The following MOK variants were observed in gnomAD, a reference collection of about 807,000 sequenced individuals.
The protein encoded by MOK is MOK protein kinase.
Under a neutral mutation model 54.2 loss-of-function variants are expected in MOK, and 59 were observed. That is an observed-to-expected ratio of 1.09 (90% CI 0.88 to 1.35). MOK has a LOEUF of 1.35. Among genes scored for constraint, MOK ranks in the 40% most tolerant of loss-of-function variants. MOK has a pLI of 0.00. For missense variants in MOK, 517 were observed against 526.2 expected (o/e 0.98, Z 0.17); for synonymous variants, 210 against 202.7 (o/e 1.04, Z -0.31).
At position 102,232,289 on chromosome 14, in the gene MOK, C is replaced by T. The variant is rs1399188564; in HGVS notation, c.866+246G>A. The T allele has an allele frequency of 6.6e-6, 3 of 451,920 alleles. No individual in the cohort carries two copies. The highest frequency in any genetic ancestry group is 5.3e-5 in the South Asian group (1 of 18,762). 28.0% of individuals were successfully genotyped at this position (451,920 alleles called of 1,614,324 possible). On this transcript the variant is annotated intron_variant, in intron 9 of 11. Coordinates refer to ENST00000361847, the MANE Select transcript of MOK (RefSeq NM_014226.3). This position sits in a 1 kb window ranked among gnomAD's most constrained non-coding sequence, Gnocchi z 5.1. ...TACTACCTGTAGCCTTGGCATCAAC[C>T]GCAAAGTGGACAGCCAGCCCCTCTT...
downstream of MOK, chr14:102,226,544 T>C (rs898613632): frequency 3.0e-6 from 2 of 675,082 alleles, no homozygotes; most frequent in African/African-American, 3.5e-5. This position sits in a 1 kb window ranked among gnomAD's most constrained non-coding sequence, Gnocchi z 4.8. Context: ...CAAGGTGGCC[T>C]CCTATGGGCT....
At chr14:102,214,923 A>G in the MOK span, 21,187 of 984,964 alleles carry the variant, frequency 0.022, 273 homozygotes, top group Non-Finnish European at 0.024. Flanking sequence ...AACAAGACTT[A>G]CTACATACTT....
intron 1 of MOK, among the ~76,000 whole-genome samples, 187 bp downstream of exon 1, chr14:102,304,775 G>A (rs1200781890): frequency 4.6e-5 from 7 of 152,070 alleles, no homozygotes; most frequent in African/African-American, 9.7e-5. Context: ...TTCCCCCAGG[G>A]GCACCGGCTT....
chr14:102,250,901 G>T lies in MOK; in HGVS notation c.501C>A (p.Tyr167Ter). The T allele has an allele frequency of 1.2e-6, 2 of 1,614,122 alleles. No homozygotes were observed. Among genetic ancestry groups the T allele is most frequent in the Non-Finnish European group, 1.7e-6 (2 of 1,180,034 alleles). Residue 167 changes from tyrosine (Y) to a stop codon, truncating the protein, a stop_gained, in exon 7 of 12, where the codon TAC becomes TAA. Transcript: ENST00000361847. LOFTEE classifies it high-confidence loss of function. ...CAGTGAGGAGACACTCCGGGGCCCG[G>T]TACCAGCGGGTGGAGATGTATTCCG... ...PYTEYISTRWYRAPECLLTDG... is the reference protein window; with the variant it reads ...PYTEYISTRW
chr14:102,267,635 G>C (rs1183386938), intron 2 of MOK, among the ~76,000 whole-genome samples: 2 of 152,158 alleles, frequency 1.3e-5, no homozygotes, highest in East Asian at 3.8e-4. Flanking sequence ...ATAGAAGCCT[G>C]ATATTTAAGA....
chr14:102,250,997 G>A lies in MOK; in HGVS notation c.412-7C>T, dbSNP rs777864470. ...CTAATTTCAGGACATCCTGCTGGAA[G>A]GGGAAAGAAGCAAGGACAAGTAACA... is the stretch of plus-strand genomic sequence containing the variant. On this transcript the variant is annotated splice_polypyrimidine_tract_variant and splice_region_variant and intron_variant, in intron 6 of 11. Coordinates refer to ENST00000361847, the MANE Select transcript of MOK (RefSeq NM_014226.3). 24 of 1,613,568 alleles carry A rather than the reference G, an allele frequency of 1.5e-5. No individual in the cohort carries two copies. Among genetic ancestry groups the A allele is most frequent in the Non-Finnish European group, 2.0e-5 (24 of 1,179,792 alleles).
chr14:102,236,978 CTCTG>C lies in MOK; in HGVS notation c.591-3193_591-3190del, dbSNP rs1201342156. ...CATAGTCCCTAACCCCTCTACACTT[CTCTG>C]TCTCATTCCCTCCAACACCACCTGC... is the stretch of plus-strand genomic sequence containing the variant. On this transcript the variant is annotated intron_variant, in intron 7 of 11. Coordinates refer to ENST00000361847, the MANE Select transcript of MOK (RefSeq NM_014226.3). The surrounding 1 kb of genome is among the most constrained non-coding windows in gnomAD (Gnocchi z 4.5). Among the ~76,000 whole-genome samples the C allele has an allele frequency of 2.0e-5, 3 of 152,154 alleles. No individual in the cohort carries two copies. Among genetic ancestry groups the C allele is most frequent in the Non-Finnish European group, 4.4e-5 (3 of 68,034 alleles).
intron 1 of MOK, among the ~76,000 whole-genome samples, chr14:102,295,969 G>GCAACATA (rs2071375098): frequency 6.6e-6 from 1 of 152,142 alleles, no homozygotes; most frequent in East Asian, 1.9e-4. Context: ...CACCTGGCTA[G>GCAACATA]GCATAGTGGC....
At chr14:102,254,912 C>T (rs2066812850) in intron 4 of MOK, among the ~76,000 whole-genome samples, 1 of 152,286 alleles carries the variant, frequency 6.6e-6, no homozygotes, top group South Asian at 2.1e-4. Flanking sequence ...CCAGCCATGT[C>T]CACACATTTA....
At chr14:102,301,289 A>T (rs1007072734) in intron 1 of MOK, among the ~76,000 whole-genome samples, 3 of 152,238 alleles carry the variant, frequency 2.0e-5, no homozygotes, top group Non-Finnish European at 2.9e-5. Flanking sequence ...AATGAAGAAA[A>T]GCAGTATAAG....
rs78581305 is a variant in MOK, at chr14:102,293,804, G to A, written c.8-10212C>T. On this transcript the variant is annotated intron_variant, in intron 1 of 11. Transcript: ENST00000361847. ...AATGTATCTGAGTGGGACTGAAGGT[G>A]ATTTAAATTTTCTTCATTATAATTA... is the stretch of plus-strand genomic sequence containing the variant. Among the ~76,000 whole-genome samples the A allele has an allele frequency of 6.8e-4, 103 of 151,508 alleles. 1 individual carries two copies. The East Asian group carries it at 0.02, about 29-fold the overall frequency.
In MOK at chr14:102,232,831, T is replaced by TC. The variant is rs763972358; in HGVS notation, c.693-124dup. On this transcript the variant is annotated intron_variant, in intron 8 of 11. Coordinates refer to ENST00000361847, the MANE Select transcript of MOK (RefSeq NM_014226.3). The surrounding 1 kb of genome is among the most constrained non-coding windows in gnomAD (Gnocchi z 5.1). ...TTTATGACTGCAGAGTCTACACCTG[T>TC]CCCAGCCCACAGAACGTGCACCACC... The TC allele has an allele frequency of 7.1e-5, 57 of 803,190 alleles. No individual in the cohort carries two copies. Among genetic ancestry groups the TC allele is most frequent in the Non-Finnish European group, 1.0e-4 (52 of 520,940 alleles). The allele number at this position is 803,190 out of a possible 1,614,324, so 49.8% of individuals were successfully genotyped here.
At chr14:102,289,407 A>C (rs184914240) in intron 1 of MOK, among the ~76,000 whole-genome samples, 1 of 152,332 alleles carries the variant, frequency 6.6e-6, no homozygotes, top group African/African-American at 2.4e-5. Context: ...GCTAAGGTGC[A>C]AAACAATCTG....
chr14:102,288,484 C>T (rs2070387440), intron 1 of MOK, among the ~76,000 whole-genome samples: 1 of 152,156 alleles, frequency 6.6e-6, no homozygotes, highest in African/African-American at 2.4e-5. Flanking sequence ...CCAGAATAAG[C>T]AAATCTATAG....
intron 4 of MOK, among the ~76,000 whole-genome samples, chr14:102,256,596 A>G (rs1019748649): frequency 6.6e-6 from 1 of 151,966 alleles, no homozygotes; most frequent in Non-Finnish European, 1.5e-5. Flanking sequence ...GTTTTTTTGT[A>G]CAGACAGAGT....
chr14:102,274,815 A>G (rs950126785), intron 2 of MOK, among the ~76,000 whole-genome samples: 2 of 151,822 alleles, frequency 1.3e-5, no homozygotes, highest in African/African-American at 4.8e-5. Context: ...TCTCAACTAA[A>G]GATACAAAAA....
intron 2 of MOK, chr14:102,280,798 T>C (rs916515124): frequency 2.2e-4 from 33 of 152,282 alleles, no homozygotes; most frequent in African/African-American, 7.7e-4. Context: ...CCATGTCCGT[T>C]ACGTAACCAC....
chr14:102,279,458 C>A (rs554661124), intron 2 of MOK, among the ~76,000 whole-genome samples: 1 of 152,146 alleles, frequency 6.6e-6, no homozygotes, highest in Admixed American at 6.6e-5. Context: ...CACCACTATG[C>A]CCAGCTAACT....
At chr14:102,265,485 A>T (rs1232009870) in intron 3 of MOK, among the ~76,000 whole-genome samples, 2 of 152,118 alleles carry the variant, frequency 1.3e-5, no homozygotes, top group African/African-American at 2.4e-5. Context: ...TACAAAAATT[A>T]GCTGGGCGTG....
Sources: allele counts gnomAD v4.1 joint callset (sites outside exome capture counted in the v4.1 genomes callset), GRCh38; gene constraint gnomAD v4.1.1; non-coding constraint Gnocchi (gnomAD v3.1); transcripts MANE v1.5; gene names NCBI Gene and HGNC (gene_info 2026-07-23, HGNC 2026-07-21).